ABCA3: variants seen among roughly 807,000 people sequenced by gnomAD.
ABCA3 encodes ATP binding cassette subfamily A member 3, also known as phospholipid-transporting ATPase ABCA3.
Under a neutral mutation model 172.8 loss-of-function variants are expected in ABCA3, and 88 were observed. That is an observed-to-expected ratio of 0.51 (90% CI 0.43 to 0.61). The LOEUF (loss-of-function observed/expected upper bound fraction) is 0.61. ABCA3 is among the 20% of genes least tolerant of loss of function. The pLI, the probability that ABCA3 is intolerant of heterozygous loss-of-function variation, is 0.00. For missense variants in ABCA3, 2,164 were observed against 2,301.0 expected (o/e 0.94, Z 1.22); for synonymous variants, 1,066 against 983.8 (o/e 1.08, Z -1.56).
At chr16:2,328,804 G>C (rs1307152644) in intron 2 of ABCA3, 47 bp from the exon 3 acceptor site, 1 of 220,750 alleles carries the variant, frequency 4.5e-6, no homozygotes. Flanking sequence ...AGATGCACGG[G>C]ATAGAAAGGC....
intron 10 of ABCA3, among the ~76,000 whole-genome samples, chr16:2,317,051 GGCT>G (rs1221886897): frequency 1.3e-5 from 2 of 152,154 alleles, no homozygotes; most frequent in Admixed American, 6.5e-5. Context: ...CTTCCCTTTG[GGCT>G]GCTGGACAGC....
chr16:2,329,126 T>G (rs1015855301), intron 2 of ABCA3, among the ~76,000 whole-genome samples: 3 of 152,160 alleles, frequency 2.0e-5, no homozygotes, highest in Non-Finnish European at 4.4e-5. Context: ...AAATATGACT[T>G]TTAATGAATC....
In ABCA3 at chr16:2,280,980, C is replaced by T. The variant is rs569956903; in HGVS notation, c.4359+47G>A. The T allele has an allele frequency of 5.0e-6, 8 of 1,612,950 alleles. No homozygotes were observed. In the African/African-American group the frequency reaches 9.3e-5, roughly 19 times the overall value. On this transcript the variant is annotated intron_variant, in intron 28 of 32. Transcript: ENST00000301732. ...GTCCCTGCCTCCAGGGTGCCCCCTC[C>T]AGCCATGCCTGTCTCACCCCTTCAG...
chr16:2,334,954 G>A (rs1351702226), intron 1 of ABCA3, among the ~76,000 whole-genome samples: 1 of 150,448 alleles, frequency 6.6e-6, no homozygotes, highest in Non-Finnish European at 1.5e-5. Flanking sequence ...TCAGCGACCT[G>A]AGTGGCTGGG....
chr16:2,286,268 G>A lies in ABCA3; in HGVS notation c.3278+426C>T, dbSNP rs1285581188. Among the ~76,000 whole-genome samples the A allele has an allele frequency of 6.6e-6, 1 of 152,168 alleles. No individual in the cohort carries two copies. Among genetic ancestry groups the A allele is most frequent in the Non-Finnish European group, 1.5e-5 (1 of 68,012 alleles). Reference sequence around the variant, plus strand: ...GGTAGCCCTGCCCACACAATGGCATGGCAGGCTCCCGACGTGCGGCCATCT... The same window carrying A: ...GGTAGCCCTGCCCACACAATGGCATAGCAGGCTCCCGACGTGCGGCCATCT... On this transcript the variant is annotated intron_variant, in intron 22 of 32. Coordinates refer to ENST00000301732, the MANE Select transcript of ABCA3 (RefSeq NM_001089.3). This position sits in a 1 kb window ranked among gnomAD's most constrained non-coding sequence, Gnocchi z 5.2.
chr16:2,305,223 T>G (rs2093695751), intron 11 of ABCA3, among the ~76,000 whole-genome samples: 1 of 152,202 alleles, frequency 6.6e-6, no homozygotes, highest in African/African-American at 2.4e-5. Context: ...AACCTCTGCC[T>G]CTGGGGTTTG....
intron 1 of ABCA3, among the ~76,000 whole-genome samples, chr16:2,330,281 C>A (rs1483799068): frequency 7.1e-6 from 1 of 140,520 alleles, no homozygotes; most frequent in African/African-American, 3.0e-5. Context: ...CCGAGATGAC[C>A]CTGTCTCAAA....
At chr16:2,327,255 G>A (rs1302373622) in intron 3 of ABCA3, among the ~76,000 whole-genome samples, 1 of 152,080 alleles carries the variant, frequency 6.6e-6, no homozygotes, top group South Asian at 2.1e-4. Flanking sequence ...TGGAACTACA[G>A]GTGCATGCCA....
chr16:2,287,959 G>C lies in ABCA3; in HGVS notation c.3004+67C>G, dbSNP rs563312286. Reference sequence around the variant, plus strand: ...CCAGATGTCGACCCTGCTGCAGTCAGGAAGGCGAACTCTGGCTGCAGGACT... The same window carrying C: ...CCAGATGTCGACCCTGCTGCAGTCACGAAGGCGAACTCTGGCTGCAGGACT... On this transcript the variant is annotated intron_variant, in intron 21 of 32. Coordinates refer to ENST00000301732, the MANE Select transcript of ABCA3 (RefSeq NM_001089.3). This position sits in a 1 kb window ranked among gnomAD's most constrained non-coding sequence, Gnocchi z 4.1. The C allele has an allele frequency of 6.3e-7, 1 of 1,579,810 alleles. No homozygotes were observed. The highest frequency in any genetic ancestry group is 8.6e-7 in the Non-Finnish European group (1 of 1,166,218).
chr16:2,321,071 T>C (rs1156887548), intron 7 of ABCA3, among the ~76,000 whole-genome samples: 2 of 152,018 alleles, frequency 1.3e-5, no homozygotes, highest in African/African-American at 4.8e-5. Flanking sequence ...CTGTCAGTCT[T>C]TTCCTTTGAG....
chr16:2,296,809 T>C (rs537781775), intron 17 of ABCA3, among the ~76,000 whole-genome samples: 1 of 152,254 alleles, frequency 6.6e-6, no homozygotes, highest in African/African-American at 2.4e-5. Context: ...GGACGTGAAC[T>C]TGGGGGGTGT....
At chr16:2,291,596 C>T (rs1183192583) in intron 19 of ABCA3, among the ~76,000 whole-genome samples, 1 of 152,202 alleles carries the variant, frequency 6.6e-6, no homozygotes, top group Non-Finnish European at 1.5e-5. Context: ...CTAGGAGGGA[C>T]CCCAAGGCAG....
rs2093665563 is a variant in ABCA3 at position 2,287,949 on chromosome 16, G to A, written c.3004+77C>T. ...ACCATCCTCCCCAGATGTCGACCCT[G>A]CTGCAGTCAGGAAGGCGAACTCTGG... is the stretch of plus-strand genomic sequence containing the variant. On this transcript the variant is annotated intron_variant, in intron 21 of 32. Coordinates refer to ENST00000301732, the MANE Select transcript of ABCA3 (RefSeq NM_001089.3). This position sits in a 1 kb window ranked among gnomAD's most constrained non-coding sequence, Gnocchi z 4.1. 2 of 1,556,890 alleles carry A rather than the reference G, an allele frequency of 1.3e-6. No homozygotes were observed.
At chr16:2,295,304 G>T (rs762277391) in intron 18 of ABCA3, among the ~76,000 whole-genome samples, 2 of 152,234 alleles carry the variant, frequency 1.3e-5, no homozygotes, top group African/African-American at 2.4e-5. Context: ...GTGTCAGAAG[G>T]GGGAGTGTGA....
chr16:2,337,305 T>C (rs867466054), intron 1 of ABCA3, among the ~76,000 whole-genome samples: 2 of 151,868 alleles, frequency 1.3e-5, no homozygotes, highest in African/African-American at 4.8e-5. Context: ...ACACATAATA[T>C]ATATTGGGCT....
In ABCA3 at chr16:2,289,505, C is replaced by T. The variant is rs925351816; in HGVS notation, c.2629G>A (p.Ala877Thr). 2 of 1,590,696 alleles carry T rather than the reference C, an allele frequency of 1.3e-6. No individual in the cohort carries two copies. Among genetic ancestry groups the T allele is most frequent in the Non-Finnish European group, 1.7e-6 (2 of 1,170,056 alleles). ...DWAVDSNLCG[A>T]MDPSDGIGAL... Reference sequence around the variant, plus strand: ...CCAATGCCGTCGGAGGGGTCCATGGCCCCACAGAGGTTGCTGTCCACAGCC... The same window carrying T: ...CCAATGCCGTCGGAGGGGTCCATGGTCCCACAGAGGTTGCTGTCCACAGCC... Residue 877 changes from alanine (A) to threonine (T), a missense_variant, in exon 20 of 33, where the codon GCC (alanine) becomes ACC (threonine). Ala to Thr is a moderately conservative substitution (Grantham distance 58, BLOSUM62 0). Coordinates refer to ENST00000301732, the MANE Select transcript of ABCA3 (RefSeq NM_001089.3).
chr16:2,334,606 G>A (rs2093748810), intron 1 of ABCA3, among the ~76,000 whole-genome samples: 1 of 150,444 alleles, frequency 6.6e-6, no homozygotes, highest in African/African-American at 2.5e-5. Context: ...CCGGCCCCCA[G>A]GTTCAAGTAA....
At chr16:2,338,232 C>T (rs1016890131) in intron 1 of ABCA3, among the ~76,000 whole-genome samples, 2 of 152,214 alleles carry the variant, frequency 1.3e-5, no homozygotes, top group African/African-American at 4.8e-5. Flanking sequence ...ACCACAAACA[C>T]TCTGAGCCAT....
At chr16:2,317,507 TGG>T in intron 9 of ABCA3, 104 bp from the exon 10 acceptor site, 1 of 1,574,166 alleles carries the variant, frequency 6.4e-7, no homozygotes, top group Non-Finnish European at 8.7e-7. Context: ...CCGAGAGGAG[TGG>T]GACATTGACA....
Sources: gnomAD v4.1 joint callset for allele counts (sites outside exome capture counted in the v4.1 genomes callset) on GRCh38, gnomAD v4.1.1 for gene constraint, Gnocchi (gnomAD v3.1) non-coding constraint, MANE v1.5 for transcripts, NCBI Gene and HGNC (gene_info 2026-07-23, HGNC 2026-07-21) for gene names.